The following DCC variants were observed in gnomAD, a reference collection of about 807,000 sequenced individuals.
DCC encodes the protein DCC netrin 1 receptor, also known as netrin receptor DCC.
Under a neutral mutation model 172.5 loss-of-function variants are expected in DCC, and 58 were observed. The ratio of observed to expected loss-of-function variants is 0.34; its 90% CI spans 0.27 to 0.42. The LOEUF is 0.42. Ranked by LOEUF, DCC falls within the 10% of genes least tolerant of loss-of-function variation. The pLI, the probability that DCC is intolerant of heterozygous loss-of-function variation, is 1.00. For missense variants in DCC, 1,740 were observed against 1,791.0 expected (o/e 0.97, Z 0.51); for synonymous variants, 709 against 644.5 (o/e 1.10, Z -1.52).
intron 7 of DCC, among the ~76,000 whole-genome samples, chr18:53,154,904 T>C (rs2054704366): frequency 6.6e-6 from 1 of 152,176 alleles, no homozygotes. Flanking sequence ...ATCACTCATA[T>C]TTTTGAGAGA....
At chr18:52,851,816 A>T (rs753766881) in intron 2 of DCC, among the ~76,000 whole-genome samples, 105 of 152,130 alleles carry the variant, frequency 6.9e-4, no homozygotes, top group Non-Finnish European at 9.0e-4. Context: ...AAATTTCAAA[A>T]TTATGGACAA....
chr18:52,448,759 GGAGT>G (rs1431169815), intron 1 of DCC, among the ~76,000 whole-genome samples: 3 of 152,202 alleles, frequency 2.0e-5, no homozygotes, highest in Admixed American at 1.3e-4. Flanking sequence ...CATTCTGAAT[GGAGT>G]GAGTAACACT....
At chr18:53,144,882 A>C (rs2043882499) in intron 7 of DCC, among the ~76,000 whole-genome samples, 1 of 152,090 alleles carries the variant, frequency 6.6e-6, no homozygotes, top group African/African-American at 2.4e-5. Context: ...AGTTTGGAAG[A>C]AATTCAGGAA....
Position 53,391,794 on chromosome 18 carries a change from A to C in DCC, c.2595A>C (p.Ala865=), listed in dbSNP as rs1254724485. The change falls in exon 17 of 29, where the codon GCA becomes GCC. Residue 865 remains alanine, a synonymous_variant. Transcript: ENST00000442544. The part of the protein sequence containing the change: ...LTHDAVRVSW[A]DNSVPKNQKT... ...ATGATGCTGTGAGGGTCAGCTGGGC[A>C]GACAACTCTGTCCCTAAGAACCAAA... 2 of 1,614,092 alleles carry C rather than the reference A, an allele frequency of 1.2e-6. No homozygotes were observed. Among genetic ancestry groups the C allele is most frequent in the Non-Finnish European group, 8.5e-7 (1 of 1,179,942 alleles).
chr18:53,205,442 T>A lies in DCC; in HGVS notation c.1722+78T>A. On this transcript the variant is annotated intron_variant, in intron 10 of 28. Transcript: ENST00000442544. ...TTGGATAGCTCTAGGGCTGGAGAAA[T>A]AGGAAAAGACTCGCAAACTCTTGAA... The A allele has an allele frequency of 3.4e-6, 5 of 1,460,990 alleles. 1 individual carries two copies. The highest frequency in any genetic ancestry group is 3.4e-5 in the South Asian group (3 of 87,966). The allele number at this position is 1,460,990 out of a possible 1,614,324, so 90.5% of individuals were successfully genotyped here.
chr18:53,398,907 G>T (rs1909126777), intron 18 of DCC, among the ~76,000 whole-genome samples: 1 of 152,144 alleles, frequency 6.6e-6, no homozygotes, highest in Admixed American at 6.6e-5. Flanking sequence ...ATTCACAAGT[G>T]TCTGCAGGTT....
At chr18:52,715,238 G>A (rs532666355) in intron 1 of DCC, among the ~76,000 whole-genome samples, 1 of 149,860 alleles carries the variant, frequency 6.7e-6, no homozygotes, top group African/African-American at 2.4e-5. Flanking sequence ...ATATATATCT[G>A]CTATCAGCAA....
rs144650864 is a variant in DCC at position 52,650,362 on chromosome 18, G to A, written c.92-101692G>A. 1.5e-3 allele frequency among the ~76,000 whole-genome samples: 222 copies of A among 152,274 alleles called. 7 individuals carry two copies. The East Asian group carries it at 0.038, about 26-fold the overall frequency. On this transcript the variant is annotated intron_variant, in intron 1 of 28. Coordinates refer to ENST00000442544, the MANE Select transcript of DCC (RefSeq NM_005215.4). Reference sequence around the variant, plus strand: ...ACTCAGAAAGATGAGAGGATGAGATGAGAGTAAGGTATGAGAAATTACTTA... The same window carrying A: ...ACTCAGAAAGATGAGAGGATGAGATAAGAGTAAGGTATGAGAAATTACTTA...
intron 15 of DCC, among the ~76,000 whole-genome samples, chr18:53,378,671 C>T (rs1287668751): frequency 2.0e-5 from 3 of 152,164 alleles, no homozygotes; most frequent in African/African-American, 7.2e-5. Flanking sequence ...CTTCTATCTG[C>T]CCAGCACTGA....
At chr18:52,531,284 TC>T (rs2032142275) in intron 1 of DCC, among the ~76,000 whole-genome samples, 2 of 152,150 alleles carry the variant, frequency 1.3e-5, no homozygotes, top group South Asian at 4.1e-4. Context: ...AAGACTTTGA[TC>T]TACAAGGATG....
rs139567807 is a variant in DCC, at chr18:52,849,230, T to C, written c.413-56814T>C. Among the ~76,000 whole-genome samples the C allele has an allele frequency of 1.9e-4, 29 of 152,314 alleles. 1 individual carries two copies. In the East Asian group the frequency reaches 5.2e-3, roughly 27 times the overall value. ...TACTGTCCAGCAGGAACCTTTATTCTACATAGTATCCTTTCTACTGGACTG... is the reference window on the plus strand; with the variant it reads ...TACTGTCCAGCAGGAACCTTTATTCCACATAGTATCCTTTCTACTGGACTG... On this transcript the variant is annotated intron_variant, in intron 2 of 28. Transcript: ENST00000442544.
intron 13 of DCC, among the ~76,000 whole-genome samples, chr18:53,311,441 A>G: frequency 1.3e-5 from 2 of 152,098 alleles, no homozygotes; most frequent in East Asian, 1.9e-4. Flanking sequence ...TATTTTACAG[A>G]AGAAATAACT....
At chr18:52,601,671 C>T (rs1490377617) in intron 1 of DCC, among the ~76,000 whole-genome samples, 1 of 152,026 alleles carries the variant, frequency 6.6e-6, no homozygotes, top group Non-Finnish European at 1.5e-5. Context: ...TGCTCTAACC[C>T]TCTCTCCTAC....
intron 7 of DCC, among the ~76,000 whole-genome samples, chr18:53,138,510 C>G (rs1035135861): frequency 1.3e-5 from 2 of 152,166 alleles, no homozygotes; most frequent in Admixed American, 1.3e-4. Flanking sequence ...ATGAATTTCT[C>G]TAGAATGATT....
At chr18:52,632,777 ATCT>A (rs2144882894) in intron 1 of DCC, among the ~76,000 whole-genome samples, 1 of 152,074 alleles carries the variant, frequency 6.6e-6, no homozygotes, top group South Asian at 2.1e-4. Context: ...AGATTGCTTG[ATCT>A]TCTTTACTAG....
intron 1 of DCC, among the ~76,000 whole-genome samples, chr18:52,641,013 T>G (rs2034880158): frequency 1.3e-5 from 2 of 150,304 alleles, no homozygotes; most frequent in Non-Finnish European, 3.0e-5. Flanking sequence ...GGCATAAAAA[T>G]AGGCACATAG....
At chr18:52,830,280 C>T (rs1184361844) in intron 2 of DCC, among the ~76,000 whole-genome samples, 2 of 150,096 alleles carry the variant, frequency 1.3e-5, no homozygotes, top group Admixed American at 6.6e-5. Context: ...ATTTTAGATG[C>T]TTTTTGCAAT....
chr18:53,222,901 A>T (rs2055965165), intron 12 of DCC, among the ~76,000 whole-genome samples: 1 of 152,158 alleles, frequency 6.6e-6, no homozygotes, highest in Non-Finnish European at 1.5e-5. Context: ...AAATGAGAAC[A>T]ATGTACTCCA....
At chr18:53,343,018 C>G (rs1025298909) in intron 15 of DCC, among the ~76,000 whole-genome samples, 4 of 150,998 alleles carry the variant, frequency 2.6e-5, no homozygotes, top group African/African-American at 9.7e-5. Context: ...TTTTTTAATG[C>G]TAACCTTGTA....
Sources: gnomAD v4.1 joint callset for allele counts (sites outside exome capture counted in the v4.1 genomes callset) on GRCh38, gnomAD v4.1.1 for gene constraint, MANE v1.5 for transcripts, NCBI Gene and HGNC (gene_info 2026-07-23, HGNC 2026-07-21) for gene names.